The following ST18 variants were observed in gnomAD, a reference collection of about 807,000 sequenced individuals.
The protein encoded by ST18 is suppression of tumorigenicity 18 protein.
A neutral mutation model predicts 110.0 loss-of-function variants in ST18; 50 were observed. The observed-to-expected ratio is 0.45, with a 90% CI of 0.36 to 0.58. The LOEUF is 0.58. Among genes scored for constraint, ST18 ranks in the 20% least tolerant of loss-of-function variants. ST18 has a pLI of 0.00. For synonymous variants in ST18, 461 were observed against 452.4 expected (o/e 1.02, Z -0.24); for missense variants, 1,306 against 1,280.1 (o/e 1.02, Z -0.31).
At chr8:52,382,044 T>A (rs554680215) in intron 2 of ST18, among the ~76,000 whole-genome samples, 1 of 151,894 alleles carries the variant, frequency 6.6e-6, no homozygotes, top group Non-Finnish European at 1.5e-5. Flanking sequence ...GGAAAACTTA[T>A]GATGTTTCCT....
Position 52,172,722 on chromosome 8 carries a change from C to T in ST18, c.278-139G>A, listed in dbSNP as rs955795550. On this transcript the variant is annotated intron_variant, in intron 9 of 25. Coordinates refer to ENST00000689386, the MANE Select transcript of ST18 (RefSeq NM_001352837.2). ...ATACATATATGTACACATATACATA[C>T]ATAATATGTGTAATATATCATCTCT... 9 of 565,214 alleles carry T rather than the reference C, an allele frequency of 1.6e-5. No homozygotes were observed. In the African/African-American group the frequency reaches 1.7e-4, roughly 11 times the overall value. 35.0% of individuals were successfully genotyped at this position (565,214 alleles called of 1,614,324 possible).
chr8:52,360,701 C>T (rs906669041), intron 2 of ST18, among the ~76,000 whole-genome samples: 2 of 151,952 alleles, frequency 1.3e-5, no homozygotes, highest in African/African-American at 4.8e-5. Context: ...TATTTTATAC[C>T]CATGTGTTAG....
chr8:52,208,788 A>G (rs1015830182), intron 8 of ST18, among the ~76,000 whole-genome samples: 1 of 152,182 alleles, frequency 6.6e-6, no homozygotes, highest in African/African-American at 2.4e-5. Context: ...ACTGCACTCT[A>G]GCCTGGGCGA....
chr8:52,171,039 A>T (rs1050264634), intron 10 of ST18, among the ~76,000 whole-genome samples: 2 of 152,154 alleles, frequency 1.3e-5, no homozygotes, highest in African/African-American at 4.8e-5. Context: ...AGAGAAAAAA[A>T]TGCAAATGCT....
At chr8:52,191,693 A>C (rs1424710208) in intron 8 of ST18, among the ~76,000 whole-genome samples, 1 of 152,218 alleles carries the variant, frequency 6.6e-6, no homozygotes, top group East Asian at 1.9e-4. Flanking sequence ...TGAGAGGAGC[A>C]GAGAGAAGAA....
At chr8:52,256,194 G>A (rs1031557050) in intron 2 of ST18, among the ~76,000 whole-genome samples, 7 of 152,232 alleles carry the variant, frequency 4.6e-5, no homozygotes, top group East Asian at 1.9e-4. Context: ...CTGTATGCAC[G>A]CAGATTCACT....
intron 8 of ST18, among the ~76,000 whole-genome samples, chr8:52,181,260 G>A (rs1274735524): frequency 6.6e-6 from 1 of 152,148 alleles, no homozygotes; most frequent in East Asian, 1.9e-4. Context: ...AGAGTAAAAG[G>A]ATATGACTTA....
At chr8:52,371,049 T>C (rs1488539389) in intron 2 of ST18, among the ~76,000 whole-genome samples, 1 of 152,192 alleles carries the variant, frequency 6.6e-6, no homozygotes, top group Non-Finnish European at 1.5e-5. Flanking sequence ...ACTATGTATA[T>C]AAACTCATGA....
intron 2 of ST18, among the ~76,000 whole-genome samples, chr8:52,334,735 C>T (rs1811253445): frequency 6.6e-6 from 1 of 152,130 alleles, no homozygotes; most frequent in South Asian, 2.1e-4. Context: ...CTTAAAGCTA[C>T]CTCTGTATTT....
At chr8:52,351,127 T>C (rs1355249061) in intron 2 of ST18, among the ~76,000 whole-genome samples, 1 of 152,224 alleles carries the variant, frequency 6.6e-6, no homozygotes, top group African/African-American at 2.4e-5. Flanking sequence ...GTTAAATAAA[T>C]AAATATCAAA....
intron 14 of ST18, 132 bp from the exon 15 acceptor site, chr8:52,159,241 A>T (rs967615641): frequency 4.6e-5 from 38 of 829,122 alleles, no homozygotes; most frequent in Non-Finnish European, 5.7e-5. Flanking sequence ...TCCATTATCC[A>T]TGGGAACATT....
intron 2 of ST18, among the ~76,000 whole-genome samples, chr8:52,287,643 A>G (rs2095490842): frequency 1.3e-5 from 2 of 152,274 alleles, no homozygotes; most frequent in South Asian, 4.1e-4. Flanking sequence ...CAGAGTGTAA[A>G]CTGTGTGTAC....
At chr8:52,335,901 G>A (rs550045055) in intron 2 of ST18, among the ~76,000 whole-genome samples, 3 of 151,972 alleles carry the variant, frequency 2.0e-5, no homozygotes, top group South Asian at 2.1e-4. Context: ...GAGGCCTCCC[G>A]GTGCTGTTAG....
chr8:52,243,293 G>A (rs2137748105), intron 2 of ST18, among the ~76,000 whole-genome samples: 1 of 152,272 alleles, frequency 6.6e-6, no homozygotes, highest in Non-Finnish European at 1.5e-5. Flanking sequence ...GGGTCCCCTA[G>A]CATGATCCTT....
intron 2 of ST18, among the ~76,000 whole-genome samples, chr8:52,395,565 A>G (rs1185571851): frequency 6.6e-6 from 1 of 152,168 alleles, no homozygotes; most frequent in Non-Finnish European, 1.5e-5. Flanking sequence ...TAAAGCTTCC[A>G]CGGTTAGAGA....
chr8:52,337,640 T>C (rs1564525085), intron 2 of ST18, among the ~76,000 whole-genome samples: 1 of 152,188 alleles, frequency 6.6e-6, no homozygotes, highest in Non-Finnish European at 1.5e-5. Flanking sequence ...CAGAAAGATA[T>C]ATCACATGCT....
At chr8:52,381,456 C>A (rs940027596) in intron 2 of ST18, among the ~76,000 whole-genome samples, 1 of 152,148 alleles carries the variant, frequency 6.6e-6, no homozygotes, top group African/African-American at 2.4e-5. Context: ...TTTTACCATC[C>A]ATCTCCAAGA....
At chr8:52,205,901 T>C (rs1163779751) in intron 8 of ST18, among the ~76,000 whole-genome samples, 2 of 152,170 alleles carry the variant, frequency 1.3e-5, no homozygotes, top group Admixed American at 1.3e-4. Flanking sequence ...TGCAGAGAAT[T>C]ATGAAGATGT....
intron 23 of ST18, among the ~76,000 whole-genome samples, chr8:52,121,137 T>A (rs1174987707): frequency 1.3e-5 from 2 of 152,138 alleles, no homozygotes; most frequent in African/African-American, 4.8e-5. Context: ...GTTCTGGGAT[T>A]TCGTTAGGAT....
Sources: allele counts gnomAD v4.1 joint callset (sites outside exome capture counted in the v4.1 genomes callset), GRCh38; gene constraint gnomAD v4.1.1; transcripts MANE v1.5; gene names NCBI Gene and HGNC (gene_info 2026-07-23, HGNC 2026-07-21).